Variants in AZI2 observed in about 807,000 individuals in gnomAD.
AZI2 encodes 5-azacytidine induced 2, also known as 5-azacytidine-induced protein 2.
AZI2 carries 22 observed loss-of-function variants against 45.8 expected under a neutral mutation model. The ratio of observed to expected loss-of-function variants is 0.48; its 90% CI spans 0.34 to 0.69. The LOEUF is 0.69. Ranked by LOEUF, AZI2 falls within the 30% of genes least tolerant of loss-of-function variation. AZI2 has a pLI of 0.01. For synonymous variants in AZI2, 137 were observed against 156.7 expected (o/e 0.87, Z 0.94); for missense variants, 417 against 441.5 (o/e 0.94, Z 0.50).
In AZI2 at chr3:28,336,786, C is replaced by G; in HGVS notation, c.539G>C (p.Arg180Thr). Residue 180 changes from arginine to threonine, a missense_variant, in exon 5 of 8, where the codon AGG (arginine) becomes ACG (threonine). Physicochemically the swap from Arg to Thr is moderately conservative, Grantham distance 71. Transcript: ENST00000479665. ...HGLEQELELM[R>T]KECSDLKIEL... ...TATTTTGAGATCGCTACATTCTTTC[C>G]TCATCAGTTCCAGCTCTTGTTCCAA... is the stretch of plus-strand genomic sequence containing the variant. 2 of 1,613,346 alleles carry G rather than the reference C, an allele frequency of 1.2e-6. No individual in the cohort carries two copies. The highest frequency in any genetic ancestry group is 1.7e-6 in the Non-Finnish European group (2 of 1,179,634).
At chr3:28,338,692 C>T (rs1377096959) in intron 2 of AZI2, 77 bp from the exon 3 acceptor site, 13 of 1,275,912 alleles carry the variant, frequency 1.0e-5, no homozygotes, top group Admixed American at 9.5e-5. Context: ...TCTGATGGCT[C>T]CATATCTTAC....
intron 6 of AZI2, among the ~76,000 whole-genome samples, chr3:28,327,663 ATAAT>A (rs1430752629): frequency 3.3e-5 from 5 of 151,108 alleles, no homozygotes; most frequent in South Asian, 4.1e-4. Flanking sequence ...CTAAGAAATT[ATAAT>A]TAGTGATTTT....
At chr3:28,342,442 G>A (rs557217402) in intron 1 of AZI2, among the ~76,000 whole-genome samples, 3 of 151,968 alleles carry the variant, frequency 2.0e-5, no homozygotes, top group African/African-American at 4.8e-5. Flanking sequence ...AAAAAGTGGC[G>A]GATTCTCAGA....
chr3:28,323,900 T>G lies in AZI2; in HGVS notation c.*142A>C. ...CCAACTATGTTGGTTTTTGTACTATTGTACAGTGTGTTCAAATATAGATAC... is the reference window on the plus strand; with the variant it reads ...CCAACTATGTTGGTTTTTGTACTATGGTACAGTGTGTTCAAATATAGATAC... On this transcript the variant is annotated 3_prime_UTR_variant, in exon 8 of 8. Transcript: ENST00000479665. 1 of 924,564 alleles carries G rather than the reference T, an allele frequency of 1.1e-6. No homozygotes were observed. The highest frequency in any genetic ancestry group is 1.6e-6 in the Non-Finnish European group (1 of 619,416). The allele number at this position is 924,564 out of a possible 1,614,324, so 57.3% of individuals were successfully genotyped here.
At position 28,321,615 on chromosome 3, in the gene AZI2, G is replaced by GT. The variant is rs965012669; in HGVS notation, c.*2426dup. The GT allele has an allele frequency of 6.6e-6, 1 of 151,218 alleles. No individual in the cohort carries two copies. Among genetic ancestry groups the GT allele is most frequent in the African/African-American group, 2.4e-5 (1 of 41,288 alleles). 9.4% of individuals were successfully genotyped at this position (151,218 alleles called of 1,614,324 possible). A position where few individuals can be genotyped will look rare whatever the true frequency, so the allele number is the denominator to read the frequency against. On this transcript the variant is annotated 3_prime_UTR_variant, in exon 8 of 8. Transcript: ENST00000479665. Reference sequence around the variant, plus strand: ...CCTGTTAATATGTGGTAACCCACAGGTTTTTTACCCCTTAAGATACACCTT... The same window carrying GT: ...CCTGTTAATATGTGGTAACCCACAGGTTTTTTTACCCCTTAAGATACACCTT...
chr3:28,329,584 C>G (rs1703502588), intron 6 of AZI2, among the ~76,000 whole-genome samples: 1 of 151,220 alleles, frequency 6.6e-6, no homozygotes, highest in South Asian at 2.1e-4. Context: ...CTTTAATACA[C>G]AAATAACTAT....
chr3:28,331,742 T>C, intron 6 of AZI2: 5 of 1,433,782 alleles, frequency 3.5e-6, no homozygotes, highest in Non-Finnish European at 4.6e-6. Flanking sequence ...GAGGCTATCT[T>C]AACATAGTAG....
chr3:28,338,451 C>G (rs1234191723), intron 3 of AZI2, 42 bp downstream of exon 3: 1 of 1,482,928 alleles, frequency 6.7e-7, no homozygotes, highest in South Asian at 1.5e-5. Flanking sequence ...GGAGAAAATT[C>G]ATTTCCAAAA....
At chr3:28,342,337 C>T (rs2125666126) in intron 1 of AZI2, among the ~76,000 whole-genome samples, 1 of 152,026 alleles carries the variant, frequency 6.6e-6, no homozygotes, top group South Asian at 2.1e-4. Flanking sequence ...ATTTTCTAAC[C>T]ATACAGGACA....
At chr3:28,344,520 G>A (rs1023986763) in intron 1 of AZI2, among the ~76,000 whole-genome samples, 3 of 152,054 alleles carry the variant, frequency 2.0e-5, no homozygotes, top group Non-Finnish European at 2.9e-5. Context: ...GAGAAGTAAA[G>A]GGAGCTGTGG....
chr3:28,334,364 A>G (rs1428256628), intron 5 of AZI2, among the ~76,000 whole-genome samples: 1 of 151,900 alleles, frequency 6.6e-6, no homozygotes, highest in Non-Finnish European at 1.5e-5. Context: ...GATTCTGATC[A>G]GCAACATCAC....
At chr3:28,328,191 G>T (rs1703451107) in intron 6 of AZI2, among the ~76,000 whole-genome samples, 1 of 150,894 alleles carries the variant, frequency 6.6e-6, no homozygotes, top group Admixed American at 6.6e-5. Context: ...TTTTTAATAG[G>T]TGTCAAATAA....
At chr3:28,325,209 T>C (rs1211457846) in intron 7 of AZI2, 1 of 150,714 alleles carries the variant, frequency 6.6e-6, no homozygotes, top group Non-Finnish European at 1.5e-5. Flanking sequence ...AAGCTATTAT[T>C]TCACCACAGC....
At chr3:28,335,089 T>TAATTTA (rs1703736389) in intron 5 of AZI2, among the ~76,000 whole-genome samples, 1 of 151,850 alleles carries the variant, frequency 6.6e-6, no homozygotes, top group African/African-American at 2.4e-5. Flanking sequence ...CCCTAATAAC[T>TAATTTA]GCTTTATATA....
At chr3:28,338,144 A>G in intron 3 of AZI2, 108 bp from the exon 4 acceptor site, 1 of 565,378 alleles carries the variant, frequency 1.8e-6, no homozygotes, top group Non-Finnish European at 2.8e-6. Flanking sequence ...CTTTAAAAGC[A>G]AGGTGACAAA....
rs1319199482 is a variant in AZI2, at chr3:28,324,390, A to G, written c.831T>C (p.Asn277=). The change falls in exon 8 of 8, where the codon AAT becomes AAC. Residue 277 remains asparagine (N), a synonymous_variant. Transcript: ENST00000479665. Reference sequence around the variant, plus strand: ...GATGTCTTGTGTATGTTGCAGTAAAATTCATCAAGTGCAGTTTTGTGCTGT... The same window carrying G: ...GATGTCTTGTGTATGTTGCAGTAAAGTTCATCAAGTGCAGTTTTGTGCTGT... The part of the protein sequence containing the change: ...GRDSTKLHLM[N]FTATYTRHPP... 5.8e-6 allele frequency: 9 copies of G among 1,559,150 alleles called. No individual in the cohort carries two copies. The highest frequency in any genetic ancestry group is 7.8e-6 in the Non-Finnish European group (9 of 1,152,218).
chr3:28,337,060 G>A (rs1001165603), intron 4 of AZI2, 175 bp from the exon 5 acceptor site: 2 of 592,220 alleles, frequency 3.4e-6, no homozygotes, highest in South Asian at 3.4e-5. Flanking sequence ...CTATGCTAAG[G>A]AGAATGAGAA....
intron 7 of AZI2, chr3:28,325,167 C>G (rs1577118383): frequency 1.5e-5 from 2 of 132,020 alleles, no homozygotes. Context: ...AAGTTTTGTA[C>G]AAATGCAATG....
intron 3 of AZI2, 113 bp downstream of exon 3, chr3:28,338,380 T>C: frequency 8.4e-7 from 1 of 1,187,748 alleles, no homozygotes; most frequent in Non-Finnish European, 1.1e-6. Flanking sequence ...TGAACATGTA[T>C]ACAAAATTTT....
Sources: allele counts gnomAD v4.1 joint callset (sites outside exome capture counted in the v4.1 genomes callset), GRCh38; gene constraint gnomAD v4.1.1; transcripts MANE v1.5; gene names NCBI Gene and HGNC (gene_info 2026-07-23, HGNC 2026-07-21).